The following OSBPL6 variants were observed in gnomAD, a reference collection of about 807,000 sequenced individuals.
OSBPL6 encodes oxysterol-binding protein-related protein 6.
Under a neutral mutation model 125.8 loss-of-function variants are expected in OSBPL6, and 49 were observed. That is an observed-to-expected ratio of 0.39 (90% confidence interval 0.31 to 0.49). OSBPL6 has a LOEUF of 0.49. OSBPL6 is among the 20% of genes least tolerant of loss of function. The pLI is 0.88. For synonymous variants in OSBPL6, 394 were observed against 391.8 expected, an observed-to-expected ratio of 1.01 and a Z score of -0.07; for missense variants, 986 against 1,135.4, an observed-to-expected ratio of 0.87 and a Z score of 1.89.
rs1471751595 is a variant in OSBPL6, at chr2:178,328,392, C to G, written c.318+14C>G. 1 of 1,610,376 alleles carries G rather than the reference C, an allele frequency of 6.2e-7. No individual in the cohort carries two copies. Among genetic ancestry groups the G allele is most frequent in the Non-Finnish European group, 8.5e-7 (1 of 1,178,964 alleles). On this transcript the variant is annotated intron_variant, in intron 5 of 24. Transcript: ENST00000190611. Reference sequence around the variant, plus strand: ...GGCTGGCACAAGGTAACATTTTTATCATATTCAGGTTCAGACCATCTTCAT... The same window carrying G: ...GGCTGGCACAAGGTAACATTTTTATGATATTCAGGTTCAGACCATCTTCAT...
intron 13 of OSBPL6, among the ~76,000 whole-genome samples, chr2:178,368,052 C>G (rs899210826): frequency 2.6e-5 from 4 of 152,112 alleles, no homozygotes; most frequent in Non-Finnish European, 5.9e-5. Flanking sequence ...ATCTTCTAGG[C>G]CCTTTTCTGT....
At chr2:178,296,733 G>T (rs1685790322) in intron 2 of OSBPL6, among the ~76,000 whole-genome samples, 1 of 152,030 alleles carries the variant, frequency 6.6e-6, no homozygotes. Context: ...ACGTGCCAAG[G>T]TTACCACACT....
chr2:178,392,338 T>A (rs1695476609), intron 22 of OSBPL6, 74 bp from the exon 23 acceptor site: 1 of 1,539,768 alleles, frequency 6.5e-7, no homozygotes, highest in East Asian at 2.3e-5. Context: ...AGGTACTAAG[T>A]ACTAGGGTAA....
chr2:178,385,816 T>C (rs1307983481), intron 19 of OSBPL6, among the ~76,000 whole-genome samples: 1 of 152,256 alleles, frequency 6.6e-6, no homozygotes, highest in Non-Finnish European at 1.5e-5. Flanking sequence ...ATTGTCTGCA[T>C]CTGTAACATG....
Position 178,385,494 on chromosome 2 carries a change from G to A in OSBPL6, c.2050G>A (p.Glu684Lys), listed in dbSNP as rs1208791300. ...TCCACCCATTTCTGCCTGTCACTGT[G>A]AATCAAAGAATTTTGTGTTTTGGCA... ...HHPPISACHC[E>K]SKNFVFWQDI... The change falls in exon 19 of 25, where the codon GAA becomes AAA. Residue 684 changes from glutamate (E) to lysine (K), a missense_variant. Physicochemically the swap from Glu to Lys is moderately conservative, Grantham distance 56 (BLOSUM62 1). This residue lies in a region of OSBPL6 where 843 missense variants were observed against 997.3 expected (regional missense o/e 0.85). Coordinates refer to ENST00000190611, the MANE Select transcript of OSBPL6 (RefSeq NM_032523.4). 1.2e-6 allele frequency: 2 copies of A among 1,611,198 alleles called. No homozygotes were observed. Among genetic ancestry groups the A allele is most frequent in the Non-Finnish European group, 1.7e-6 (2 of 1,177,956 alleles).
At chr2:178,325,687 T>C (rs1688642174) in intron 4 of OSBPL6, among the ~76,000 whole-genome samples, 2 of 152,206 alleles carry the variant, frequency 1.3e-5, no homozygotes, top group African/African-American at 4.8e-5. Context: ...ACATGTATTA[T>C]CTCACTTAAT....
rs1691868934 is a variant in OSBPL6, at chr2:178,357,125, T to G, written c.1154-4557T>G. Among the ~76,000 whole-genome samples, 3 of 152,168 alleles carry G rather than the reference T, an allele frequency of 2.0e-5. No homozygotes were observed. In the South Asian group the frequency reaches 6.2e-4, roughly 31 times the overall value. On this transcript the variant is annotated intron_variant, in intron 12 of 24. Coordinates refer to ENST00000190611, the MANE Select transcript of OSBPL6 (RefSeq NM_032523.4). Reference sequence around the variant, plus strand: ...AAGACTTAAACGTTAGACCTAAAACTGTAAAAACTCTAGAAGAAAACCTTA... The same window carrying G: ...AAGACTTAAACGTTAGACCTAAAACGGTAAAAACTCTAGAAGAAAACCTTA...
intron 9 of OSBPL6, among the ~76,000 whole-genome samples, chr2:178,338,133 A>G (rs890238882): frequency 8.5e-5 from 13 of 152,170 alleles, no homozygotes; most frequent in Admixed American, 7.9e-4. Context: ...GGGTTTCACC[A>G]TATTGGCCAG....
At chr2:178,223,431 T>TG (rs1467028097) in intron 1 of OSBPL6, among the ~76,000 whole-genome samples, 1 of 152,236 alleles carries the variant, frequency 6.6e-6, no homozygotes, top group East Asian at 1.9e-4. Flanking sequence ...TTTCCCCCAC[T>TG]GGATTCAAAT....
At chr2:178,282,824 T>C (rs1156957932) in intron 1 of OSBPL6, among the ~76,000 whole-genome samples, 2 of 152,136 alleles carry the variant, frequency 1.3e-5, no homozygotes, top group African/African-American at 4.8e-5. Flanking sequence ...GCTAATTTTT[T>C]GTATTTTTAG....
chr2:178,360,371 G>T (rs950099051), intron 12 of OSBPL6, among the ~76,000 whole-genome samples: 1 of 152,104 alleles, frequency 6.6e-6, no homozygotes, highest in East Asian at 1.9e-4. Flanking sequence ...GCCACAGCGC[G>T]GTGGGGGGGC....
At position 178,339,020 on chromosome 2, in the gene OSBPL6, GAACTTAGCA is replaced by G. The variant is rs775683691; in HGVS notation, c.825_833del (p.Ser276_Leu278del). 6.2e-7 allele frequency: 1 copy of G among 1,613,126 alleles called. No homozygotes were observed. Among genetic ancestry groups the G allele is most frequent in the Non-Finnish European group, 8.5e-7 (1 of 1,179,574 alleles). The stretch of plus-strand genomic sequence containing the variant: ...TGCACATTGCCAGTCAAACCTTGTG[GAACTTAGCA>G]AACTCCTGCAAAATTTGGAAATACT... On this transcript the variant is annotated inframe_deletion, in exon 10 of 25. Coordinates refer to ENST00000190611, the MANE Select transcript of OSBPL6 (RefSeq NM_032523.4).
chr2:178,212,850 C>T (rs2089922948), intron 1 of OSBPL6, among the ~76,000 whole-genome samples: 1 of 151,750 alleles, frequency 6.6e-6, no homozygotes, highest in African/African-American at 2.4e-5. Context: ...CTTTGTCACC[C>T]AGGCTAGAGT....
At chr2:178,237,096 T>C (rs1408649072) in intron 1 of OSBPL6, among the ~76,000 whole-genome samples, 1 of 152,184 alleles carries the variant, frequency 6.6e-6, no homozygotes, top group Non-Finnish European at 1.5e-5. Context: ...ACTTTTTGCG[T>C]AAGATATTCA....
At chr2:178,386,834 T>TG (rs910198876) in intron 19 of OSBPL6, among the ~76,000 whole-genome samples, 2 of 122,074 alleles carry the variant, frequency 1.6e-5, no homozygotes, top group Non-Finnish European at 3.5e-5. Flanking sequence ...ACATAGATAG[T>TG]GGGGGTTTTT....
intron 1 of OSBPL6, among the ~76,000 whole-genome samples, chr2:178,211,498 G>A (rs1039276775): frequency 3.3e-5 from 5 of 152,078 alleles, no homozygotes; most frequent in East Asian, 1.9e-4. Context: ...CAGGACCTCC[G>A]GTCTCCTCAG....
chr2:178,361,057 G>A (rs1050093493), intron 12 of OSBPL6, among the ~76,000 whole-genome samples: 7 of 152,188 alleles, frequency 4.6e-5, no homozygotes, highest in Admixed American at 2.0e-4. Context: ...AGGAAATGGG[G>A]AGGGGGTGTT....
intron 3 of OSBPL6, among the ~76,000 whole-genome samples, chr2:178,313,041 G>A (rs919798668): frequency 1.3e-5 from 2 of 151,836 alleles, no homozygotes; most frequent in South Asian, 2.1e-4. Context: ...GATTACAGGC[G>A]CCCAACACCA....
intron 15 of OSBPL6, among the ~76,000 whole-genome samples, chr2:178,374,299 A>C (rs1242646442): frequency 6.6e-6 from 1 of 152,200 alleles, no homozygotes; most frequent in Non-Finnish European, 1.5e-5. Flanking sequence ...TATGATTCCT[A>C]TTTCAGGGTA....
Sources: gnomAD v4.1 joint callset for allele counts (sites outside exome capture counted in the v4.1 genomes callset) on GRCh38, gnomAD v4.1.1 for gene constraint, gnomAD v4.1.1 regional missense constraint, MANE v1.5 for transcripts, NCBI Gene and HGNC (gene_info 2026-07-23, HGNC 2026-07-21) for gene names.